GLMN: variants seen among roughly 807,000 people sequenced by gnomAD.
The protein encoded by GLMN is glomulin, FKBP associated protein.
GLMN carries 75 observed loss-of-function variants against 87.8 expected under a neutral mutation model. The ratio of observed to expected loss-of-function variants is 0.85; its 90% CI spans 0.71 to 1.04. GLMN has a LOEUF of 1.04. GLMN is among the 50% of genes least tolerant of loss of function. GLMN has a pLI of 0.00. For missense variants in GLMN, 588 were observed against 658.8 expected, an observed-to-expected ratio of 0.89 and a Z score of 1.18; for synonymous variants, 206 against 221.6, an observed-to-expected ratio of 0.93 and a Z score of 0.63.
At chr1:92,259,732 C>CTTTTTTTTTTTTTTTTTTTTTTTTTTTT (rs58390058) in intron 16 of GLMN, among the ~76,000 whole-genome samples, 2 of 108,192 alleles carry the variant, frequency 1.8e-5, no homozygotes, top group Non-Finnish European at 1.8e-5. Context: ...TTTTTTCTTT[C>CTTTTTTTTTTTTTTTTTTTTTTTTTTTT]TTTTTTTTTT....
At chr1:92,325,998 C>T in the GLMN span, among the ~76,000 whole-genome samples, 710 of 152,040 alleles carry the variant, frequency 4.7e-3, 2 homozygotes, top group Non-Finnish European at 7.6e-3. Context: ...GGAACTTTCT[C>T]GTATTTATCT....
At chr1:92,249,595 C>T (rs913321874) in intron 16 of GLMN, among the ~76,000 whole-genome samples, 1 of 151,976 alleles carries the variant, frequency 6.6e-6, no homozygotes, top group East Asian at 1.9e-4. Flanking sequence ...TTGGGGTATC[C>T]ATCCTCTTGA....
At chr1:92,273,349 T>C (rs1419011661) in intron 7 of GLMN, among the ~76,000 whole-genome samples, 1 of 152,196 alleles carries the variant, frequency 6.6e-6, no homozygotes, top group Non-Finnish European at 1.5e-5. Context: ...AAAAAGTTTA[T>C]TGCACTCTGA....
intron 16 of GLMN, among the ~76,000 whole-genome samples, chr1:92,250,452 T>A (rs1653315742): frequency 6.6e-6 from 1 of 152,218 alleles, no homozygotes; most frequent in South Asian, 2.1e-4. Context: ...TATATGGAAT[T>A]TATCCTAAGT....
chr1:92,321,794 G>A, the GLMN span, among the ~76,000 whole-genome samples: 1 of 151,750 alleles, frequency 6.6e-6, no homozygotes, highest in Admixed American at 6.6e-5. Flanking sequence ...ACTTTCCTGT[G>A]ATTTTCATTC....
the GLMN span, among the ~76,000 whole-genome samples, chr1:92,332,120 T>C: frequency 6.6e-6 from 1 of 152,044 alleles, no homozygotes; most frequent in Non-Finnish European, 1.5e-5. Flanking sequence ...AGTCTTTTTT[T>C]TTACTGTATC....
the GLMN span, among the ~76,000 whole-genome samples, chr1:92,305,577 A>C: frequency 6.6e-6 from 1 of 151,990 alleles, no homozygotes; most frequent in South Asian, 2.1e-4. Flanking sequence ...GTTCATCAGA[A>C]GTTTCAAAAA....
At chr1:92,264,354 A>G (rs1655371178) in intron 14 of GLMN, among the ~76,000 whole-genome samples, 200 bp downstream of exon 14, 1 of 152,098 alleles carries the variant, frequency 6.6e-6, no homozygotes, top group Non-Finnish European at 1.5e-5. Context: ...AAAGAATACA[A>G]TTTAAACTTA....
chr1:92,257,552 T>C (rs1416629098), intron 16 of GLMN, among the ~76,000 whole-genome samples: 3 of 152,102 alleles, frequency 2.0e-5, no homozygotes, highest in African/African-American at 4.8e-5. Context: ...AACAGATACA[T>C]AGATCAATGG....
chr1:92,325,897 A>G, the GLMN span, among the ~76,000 whole-genome samples: 2 of 152,118 alleles, frequency 1.3e-5, no homozygotes, highest in African/African-American at 4.8e-5. Flanking sequence ...TTATTGCTGT[A>G]TAGTATTCCA....
the GLMN span, among the ~76,000 whole-genome samples, chr1:92,358,557 T>C: frequency 2.0e-5 from 3 of 152,194 alleles, no homozygotes; most frequent in Non-Finnish European, 4.4e-5. Flanking sequence ...CTTGTCTCAC[T>C]GTACTTAAAA....
At chr1:92,304,370 T>C in the GLMN span, 1 of 1,408,918 alleles carries the variant, frequency 7.1e-7, no homozygotes, top group Non-Finnish European at 9.7e-7. Context: ...AGGCTTTCAT[T>C]GTGGCAATTA....
intron 18 of GLMN, 132 bp downstream of exon 18, chr1:92,246,930 G>A (rs1281256676): frequency 1.8e-5 from 13 of 733,172 alleles, no homozygotes; most frequent in East Asian, 9.8e-5. Flanking sequence ...ATCTGAGGTG[G>A]GTGGATCACT....
intron 14 of GLMN, among the ~76,000 whole-genome samples, 185 bp from the exon 15 acceptor site, chr1:92,263,917 C>T (rs1389341248): frequency 6.6e-6 from 1 of 152,198 alleles, no homozygotes; most frequent in Admixed American, 6.5e-5. Context: ...GAACACTGGT[C>T]ACTCTGTTTT....
At chr1:92,256,786 A>G (rs559684576) in intron 16 of GLMN, among the ~76,000 whole-genome samples, 2 of 152,178 alleles carry the variant, frequency 1.3e-5, no homozygotes. Context: ...TGACAAACCC[A>G]CAGCCAATAT....
Position 92,292,720 on chromosome 1 carries a change from G to A in GLMN, c.166-1183C>T, listed in dbSNP as rs182669281. Among the ~76,000 whole-genome samples the A allele has an allele frequency of 6.6e-5, 9 of 136,972 alleles. No homozygotes were observed. The East Asian group carries it at 1.7e-3, about 25-fold the overall frequency. The allele number at this position is 136,972 out of a possible 152,430, so 89.9% of individuals were successfully genotyped here. On this transcript the variant is annotated intron_variant, in intron 3 of 18. Coordinates refer to ENST00000370360, the MANE Select transcript of GLMN (RefSeq NM_053274.3). ...TTACAGGCGTGAGCCACCGCACCCC[G>A]TCTTTTCTTTTCTTTTTTTTTTTTT...
the GLMN span, among the ~76,000 whole-genome samples, chr1:92,319,780 C>T: frequency 2.0e-5 from 3 of 152,154 alleles, no homozygotes; most frequent in Non-Finnish European, 2.9e-5. Context: ...AGGAGGATCA[C>T]CTGAAGTCAG....
In GLMN at chr1:92,268,119, TA is replaced by T; in HGVS notation, c.993del (p.Ile332SerfsTer13). 1 of 1,435,542 alleles carries T rather than the reference TA, an allele frequency of 7.0e-7. No individual in the cohort carries two copies. The highest frequency in any genetic ancestry group is 9.8e-7 in the Non-Finnish European group (1 of 1,018,342). 88.9% of individuals were successfully genotyped at this position (1,435,542 alleles called of 1,614,324 possible). The stretch of plus-strand genomic sequence containing the variant: ...AAACATCTTACCAATCCTTTGGAGA[TA>T]ACAGACTCTTCTGTTCTGAAAAATA... ...EVFLQRTEES[V>X]ISKGLELLEN... On this transcript the variant is annotated frameshift_variant, in exon 10 of 19. Transcript: ENST00000370360. LOFTEE classifies it high-confidence loss of function.
intron 16 of GLMN, among the ~76,000 whole-genome samples, chr1:92,261,167 T>C (rs1655002693): frequency 1.3e-5 from 2 of 152,236 alleles, no homozygotes; most frequent in African/African-American, 4.8e-5. Context: ...TATCACAAGC[T>C]CCTTCAGGAA....
Sources: allele counts gnomAD v4.1 joint callset (sites outside exome capture counted in the v4.1 genomes callset), GRCh38; gene constraint gnomAD v4.1.1; transcripts MANE v1.5; gene names NCBI Gene and HGNC (gene_info 2026-07-23, HGNC 2026-07-21).